Variants in CLVS1 observed in about 807,000 individuals in gnomAD.
CLVS1 encodes the protein clavesin 1, also known as clavesin-1.
Under a neutral mutation model 33.1 loss-of-function variants are expected in CLVS1, and 10 were observed. The ratio of observed to expected loss-of-function variants is 0.30; its 90% CI spans 0.19 to 0.51. The LOEUF (loss-of-function observed/expected upper bound fraction) is 0.51, where lower values mean the gene tolerates loss of function less well. Among genes scored for constraint, CLVS1 ranks in the 20% least tolerant of loss-of-function variants. CLVS1 has a pLI of 0.97. For synonymous variants in CLVS1, 163 were observed against 166.1 expected, an observed-to-expected ratio of 0.98 and a Z score of 0.14; for missense variants, 343 against 433.4, an observed-to-expected ratio of 0.79 and a Z score of 1.85.
At chr8:61,210,291 C>T (rs1408130331) in intron 2 of CLVS1, among the ~76,000 whole-genome samples, 1 of 152,126 alleles carries the variant, frequency 6.6e-6, no homozygotes, top group Non-Finnish European at 1.5e-5. Context: ...CATGTGAGGA[C>T]ATATAAGAGG....
intron 3 of CLVS1, among the ~76,000 whole-genome samples, chr8:61,412,404 A>C (rs1815264607): frequency 1.3e-5 from 2 of 152,146 alleles, no homozygotes; most frequent in Admixed American, 1.3e-4. Flanking sequence ...GTCTCAGTGG[A>C]GACTTTGGGA....
intron 2 of CLVS1, among the ~76,000 whole-genome samples, chr8:61,357,494 CTTTTTT>C (rs1167743712): frequency 2.7e-4 from 7 of 25,808 alleles, no homozygotes; most frequent in Admixed American, 5.7e-4. Context: ...TTTTTCTTTT[CTTTTTT>C]TTTTTTTTTT....
At chr8:61,179,373 A>G (rs892906120) in intron 2 of CLVS1, among the ~76,000 whole-genome samples, 1 of 152,088 alleles carries the variant, frequency 6.6e-6, no homozygotes, top group African/African-American at 2.4e-5. Context: ...AGAGACTTAG[A>G]CTCCCCCACC....
chr8:61,358,533 A>G (rs762078889), intron 2 of CLVS1, among the ~76,000 whole-genome samples: 1 of 152,210 alleles, frequency 6.6e-6, no homozygotes, highest in Non-Finnish European at 1.5e-5. Context: ...TAGCATCATC[A>G]TTCTTTTCCA....
chr8:61,480,083 T>C (rs1818126532), intron 5 of CLVS1, among the ~76,000 whole-genome samples: 1 of 152,256 alleles, frequency 6.6e-6, no homozygotes, highest in Non-Finnish European at 1.5e-5. Flanking sequence ...AGCTGTGTGC[T>C]GGGAGAACCA....
intron 2 of CLVS1, among the ~76,000 whole-genome samples, chr8:61,256,280 C>T (rs141986146): frequency 0.011 from 1,638 of 152,192 alleles, 34 homozygotes; most frequent in African/African-American, 0.034. Flanking sequence ...CTTGGGAGGC[C>T]GAAGCGGGCA....
At chr8:61,075,743 T>C (rs959055949) in intron 1 of CLVS1, among the ~76,000 whole-genome samples, 12 of 152,234 alleles carry the variant, frequency 7.9e-5, no homozygotes, top group African/African-American at 2.7e-4. Flanking sequence ...TGATTGCCCA[T>C]GCAGTGTGGC....
intron 3 of CLVS1, among the ~76,000 whole-genome samples, chr8:61,413,062 A>G (rs1815295069): frequency 6.6e-6 from 1 of 152,156 alleles, no homozygotes; most frequent in Admixed American, 6.5e-5. Context: ...TGTATGAATG[A>G]TCCCTAAGTG....
At chr8:61,352,824 ACAC>A (rs1184630978) in intron 2 of CLVS1, among the ~76,000 whole-genome samples, 1 of 152,020 alleles carries the variant, frequency 6.6e-6, no homozygotes, top group Non-Finnish European at 1.5e-5. Flanking sequence ...ACAAATAAAA[ACAC>A]CAACACGGCA....
chr8:61,214,315 A>T (rs908398910), intron 2 of CLVS1, among the ~76,000 whole-genome samples: 1 of 152,166 alleles, frequency 6.6e-6, no homozygotes. Context: ...AAAGTCCCTA[A>T]TAAAAACTTG....
intron 3 of CLVS1, among the ~76,000 whole-genome samples, chr8:61,451,435 A>AACTTT (rs1816947308): frequency 6.6e-6 from 1 of 152,218 alleles, no homozygotes; most frequent in South Asian, 2.1e-4. Context: ...TAAAATTTAA[A>AACTTT]ATGATGTTAT....
At chr8:61,291,312 T>C (rs1809982276) in intron 1 of CLVS1, among the ~76,000 whole-genome samples, 1 of 152,176 alleles carries the variant, frequency 6.6e-6, no homozygotes, top group African/African-American at 2.4e-5. Context: ...AGCAGAAATT[T>C]CTCCACATGT....
intron 2 of CLVS1, among the ~76,000 whole-genome samples, chr8:61,169,200 G>A (rs974290056): frequency 2.0e-5 from 3 of 152,088 alleles, no homozygotes; most frequent in Non-Finnish European, 2.9e-5. Context: ...GGTATGGCAG[G>A]GCACAGAGAC....
chr8:61,413,738 A>T (rs768840333), intron 3 of CLVS1, among the ~76,000 whole-genome samples: 5 of 152,152 alleles, frequency 3.3e-5, no homozygotes, highest in African/African-American at 4.8e-5. Context: ...TGTTCCTCAT[A>T]GACAAGGAAC....
chr8:61,489,844 A>G (rs1804008882), intron 5 of CLVS1, among the ~76,000 whole-genome samples: 1 of 152,248 alleles, frequency 6.6e-6, no homozygotes, highest in African/African-American at 2.4e-5. Context: ...CTTGGTGATT[A>G]CAATTCAGAC....
intron 1 of CLVS1, among the ~76,000 whole-genome samples, chr8:61,079,897 C>T (rs1198284751): frequency 6.6e-6 from 1 of 152,064 alleles, no homozygotes; most frequent in Non-Finnish European, 1.5e-5. Context: ...ATGTCTATTT[C>T]ATCACAATAA....
At chr8:61,424,631 T>A (rs1000681392) in intron 3 of CLVS1, among the ~76,000 whole-genome samples, 8 of 152,236 alleles carry the variant, frequency 5.3e-5, no homozygotes, top group Admixed American at 4.6e-4. Context: ...TTTTTTCTGA[T>A]GTCTTTCCCC....
intron 2 of CLVS1, among the ~76,000 whole-genome samples, chr8:61,255,101 C>T (rs929195183): frequency 3.3e-5 from 5 of 152,124 alleles, no homozygotes; most frequent in Non-Finnish European, 1.5e-5. Flanking sequence ...TTGTAACATT[C>T]TGGGGATTCA....
At chr8:61,303,609 G>A (rs999130745) in intron 2 of CLVS1, among the ~76,000 whole-genome samples, 6 of 152,210 alleles carry the variant, frequency 3.9e-5, no homozygotes, top group Non-Finnish European at 8.8e-5. Context: ...TAAAAAGGTT[G>A]TAATGACAAG....
Sources: gnomAD v4.1 joint callset for allele counts (sites outside exome capture counted in the v4.1 genomes callset) on GRCh38, gnomAD v4.1.1 for gene constraint, MANE v1.5 for transcripts, NCBI Gene and HGNC (gene_info 2026-07-23, HGNC 2026-07-21) for gene names.